BSCL2: variants seen among roughly 807,000 people sequenced by gnomAD.
BSCL2 encodes the protein BSCL2 lipid droplet biogenesis associated, seipin.
In BSCL2, 41 loss-of-function variants were observed where a neutral mutation model predicts 57.4. That is an observed-to-expected ratio of 0.71 (90% CI 0.56 to 0.93). The LOEUF is 0.93. Among genes scored for constraint, BSCL2 ranks in the 40% least tolerant of loss-of-function variants. The pLI is 0.00. For missense variants in BSCL2, 539 were observed against 586.7 expected (o/e 0.92, Z 0.84); for synonymous variants, 237 against 227.3 (o/e 1.04, Z -0.38).
In BSCL2 at chr11:62,705,289, G is replaced by A. The variant is rs1479929344; in HGVS notation, c.404+12C>T. ...ATAGGAGTCCTCTATTTTGATAGAA[G>A]GCCCCTCTCACCTGTAGTAGAAATG... On this transcript the variant is annotated intron_variant, in intron 2 of 10. Coordinates refer to ENST00000360796, the MANE Select transcript of BSCL2 (RefSeq NM_001122955.4). 1.3e-6 allele frequency: 2 copies of A among 1,599,612 alleles called. No homozygotes were observed. Among genetic ancestry groups the A allele is most frequent in the Non-Finnish European group, 1.7e-6 (2 of 1,172,270 alleles).
intron 3 of BSCL2, among the ~76,000 whole-genome samples, chr11:62,700,034 G>T (rs577226187): frequency 7.3e-6 from 1 of 136,330 alleles, no homozygotes; most frequent in South Asian, 2.5e-4. Context: ...GAGCCTAGTA[G>T]TTTGAGACAA....
At chr11:62,704,142 A>AG (rs1478549593) in intron 2 of BSCL2, among the ~76,000 whole-genome samples, 16 of 147,166 alleles carry the variant, frequency 1.1e-4, no homozygotes, top group Non-Finnish European at 6.0e-5. Context: ...AAAAAAAAAA[A>AG]AAGAAGAAGA....
intron 3 of BSCL2, among the ~76,000 whole-genome samples, chr11:62,700,252 TA>T (rs1040761527): frequency 7.9e-5 from 12 of 151,386 alleles, no homozygotes; most frequent in Admixed American, 3.3e-4. Context: ...AAAAATAAAA[TA>T]AAATAGAACC....
intron 3 of BSCL2, among the ~76,000 whole-genome samples, chr11:62,699,394 C>T (rs1267584729): frequency 1.3e-5 from 2 of 150,446 alleles, no homozygotes; most frequent in African/African-American, 4.9e-5. Context: ...GACGGGGTTT[C>T]ACCATGTTGG....
At position 62,700,609 on chromosome 11, in the gene BSCL2, G is replaced by A. The variant is rs565031339; in HGVS notation, c.486+1859C>T. ...CGAGCCAAGATCGTGCCATTGCACT[G>A]TAGCCTGGGCGACAGGAAAGAAACT... is the stretch of plus-strand genomic sequence containing the variant. On this transcript the variant is annotated intron_variant, in intron 3 of 10. Coordinates refer to ENST00000360796, the MANE Select transcript of BSCL2 (RefSeq NM_001122955.4). 2.8e-3 allele frequency among the ~76,000 whole-genome samples: 421 copies of A among 152,174 alleles called. 3 individuals carry two copies. Among genetic ancestry groups the A allele is most frequent in the Middle Eastern group, 6.8e-3 (2 of 294 alleles).
At chr11:62,709,038 A>C (rs946623373), upstream of BSCL2, 6 of 528,150 alleles carry the variant, frequency 1.1e-5, no homozygotes, top group African/African-American at 1.9e-5. Context: ...CCTTTGCTCC[A>C]CCCACAGCAG....
At chr11:62,698,607 G>A (rs944004775) in intron 3 of BSCL2, among the ~76,000 whole-genome samples, 1 of 152,198 alleles carries the variant, frequency 6.6e-6, no homozygotes. Flanking sequence ...TCTACTTATA[G>A]CAAGCCGTTA....
At position 62,707,142 on chromosome 11, in the gene BSCL2, G is replaced by A. The variant is rs761790583; in HGVS notation, c.54C>T (p.Cys18=). ...TGTCCGGTCCTTTGATCTGGTCTCC[G>A]CACACCTCTTTTTCCCCAGCTTCCT... ...QKEEAGEKEV[C]GDQIKGPDKE... The change falls in exon 1 of 11, where the codon TGC becomes TGT. Residue 18 remains cysteine, a synonymous_variant. Coordinates refer to ENST00000360796, the MANE Select transcript of BSCL2 (RefSeq NM_001122955.4). 3.2e-5 allele frequency: 50 copies of A among 1,554,314 alleles called. No individual in the cohort carries two copies. Among genetic ancestry groups the A allele is most frequent in the Non-Finnish European group, 2.6e-6 (3 of 1,147,866 alleles).
At chr11:62,702,618 C>T in intron 2 of BSCL2, 69 bp from the exon 3 acceptor site, 1 of 1,367,310 alleles carries the variant, frequency 7.3e-7, no homozygotes. Flanking sequence ...CCTTCTTTGC[C>T]CCCTAGGGCT....
upstream of BSCL2, chr11:62,708,575 G>A (rs1309549875): frequency 1.1e-5 from 16 of 1,513,486 alleles, no homozygotes; most frequent in Admixed American, 5.7e-5. Context: ...AAGACAAGTC[G>A]TAAGGAGCCC....
chr11:62,696,975 C>T (rs1456891161), intron 3 of BSCL2, among the ~76,000 whole-genome samples: 2 of 151,104 alleles, frequency 1.3e-5, no homozygotes, highest in African/African-American at 4.9e-5. Context: ...GAGTTTGAGG[C>T]TACAATGAGC....
chr11:62,690,839 C>T lies in BSCL2; in HGVS notation c.1101G>A (p.Pro367=), dbSNP rs746737457. The T allele has an allele frequency of 1.4e-5, 22 of 1,613,548 alleles. No homozygotes were observed. Among genetic ancestry groups the T allele is most frequent in the Middle Eastern group, 1.6e-4 (1 of 6,084 alleles). ...PGPEGQEEST[P]QSDVTEDGES... Reference sequence around the variant, plus strand: ...CACCATCCTCTGTAACATCTGATTGCGGAGTTGACTCCTCCTGGCCTTCAG... The same window carrying T: ...CACCATCCTCTGTAACATCTGATTGTGGAGTTGACTCCTCCTGGCCTTCAG... The change falls in exon 9 of 11, where the codon CCG becomes CCA. Residue 367 remains proline (P), a synonymous_variant. Coordinates refer to ENST00000360796, the MANE Select transcript of BSCL2 (RefSeq NM_001122955.4).
intron 4 of BSCL2, among the ~76,000 whole-genome samples, chr11:62,693,386 C>T (rs1339974934): frequency 6.6e-6 from 1 of 151,980 alleles, no homozygotes; most frequent in African/African-American, 2.4e-5. Context: ...CACCTGTAGT[C>T]CCAGCTACTT....
At chr11:62,707,923 A>G (rs2083568740), upstream of BSCL2, 1 of 300,340 alleles carries the variant, frequency 3.3e-6, no homozygotes, top group East Asian at 7.4e-5. Context: ...CAGGTAAGTA[A>G]TGGCCTGTTT....
chr11:62,701,428 C>T (rs1438442009), intron 3 of BSCL2, among the ~76,000 whole-genome samples: 2 of 152,186 alleles, frequency 1.3e-5, no homozygotes, highest in Non-Finnish European at 1.5e-5. Context: ...CTACCTTAAA[C>T]ATGCTCAGAA....
At position 62,694,689 on chromosome 11, in the gene BSCL2, TAC is replaced by T. The variant is rs786205070; in HGVS notation, c.507_508del (p.Tyr170SerfsTer7). On this transcript the variant is annotated frameshift_variant, in exon 4 of 11. Coordinates refer to ENST00000360796, the MANE Select transcript of BSCL2 (RefSeq NM_001122955.4). LOFTEE classifies it high-confidence loss of function. ...CAGCTCAAGCTCTAAGGTAACACGA[TAC>T]GGCTGTCCATACATCAGCACCTGCC... is the stretch of plus-strand genomic sequence containing the variant. 6.2e-7 allele frequency: 1 copy of T among 1,614,176 alleles called. No individual in the cohort carries two copies. The highest frequency in any genetic ancestry group is 8.5e-7 in the Non-Finnish European group (1 of 1,180,032).
intron 3 of BSCL2, 49 bp downstream of exon 3, chr11:62,702,419 T>A: frequency 6.6e-7 from 1 of 1,520,614 alleles, no homozygotes; most frequent in Non-Finnish European, 9.1e-7. Flanking sequence ...TCTTCCTATT[T>A]TGAGTCATCA....
chr11:62,699,923 C>T (rs914862844), intron 3 of BSCL2, among the ~76,000 whole-genome samples: 3 of 151,698 alleles, frequency 2.0e-5, no homozygotes, highest in Non-Finnish European at 4.4e-5. Flanking sequence ...AGGTGACCCA[C>T]CTGCCTCCTC....
chr11:62,702,385 C>G (rs2134729403), intron 3 of BSCL2, 83 bp downstream of exon 3: 457 of 1,171,242 alleles, frequency 3.9e-4, no homozygotes, highest in Non-Finnish European at 5.2e-4. Flanking sequence ...TTACTCAATT[C>G]CTTCTCTCTA....
Sources: allele counts gnomAD v4.1 joint callset (sites outside exome capture counted in the v4.1 genomes callset), GRCh38; gene constraint gnomAD v4.1.1; transcripts MANE v1.5; gene names NCBI Gene and HGNC (gene_info 2026-07-23, HGNC 2026-07-21).